Variants in SNX29 observed in about 807,000 individuals in gnomAD.
SNX29 encodes sorting nexin-29.
A neutral mutation model predicts 102.1 loss-of-function variants in SNX29; 78 were observed. The ratio of observed to expected loss-of-function variants is 0.76; its 90% confidence interval spans 0.64 to 0.92. The LOEUF (loss-of-function observed/expected upper bound fraction) is 0.92, where lower values mean the gene tolerates loss of function less well. Ranked by LOEUF, SNX29 falls within the 40% of genes least tolerant of loss-of-function variation. The pLI is 0.00. For missense variants in SNX29, 1,280 were observed against 1,061.7 expected, an observed-to-expected ratio of 1.21 and a Z score of -2.86; for synonymous variants, 580 against 414.5, an observed-to-expected ratio of 1.40 and a Z score of -4.85.
chr16:12,321,440 G>C (rs1272872936), intron 15 of SNX29, among the ~76,000 whole-genome samples: 1 of 152,172 alleles, frequency 6.6e-6, no homozygotes, highest in Non-Finnish European at 1.5e-5. Flanking sequence ...CCCAGGCCAG[G>C]CCTGGGAGTG....
At chr16:12,565,830 C>G (rs747697400) in intron 20 of SNX29, among the ~76,000 whole-genome samples, 1 of 152,178 alleles carries the variant, frequency 6.6e-6, no homozygotes, top group Non-Finnish European at 1.5e-5. Flanking sequence ...TGGTCACCCT[C>G]CACACCTCTG....
intron 10 of SNX29, among the ~76,000 whole-genome samples, chr16:12,077,515 C>G (rs1050343054): frequency 4.6e-5 from 7 of 151,794 alleles, no homozygotes; most frequent in African/African-American, 4.8e-5. Flanking sequence ...TGTAAACATA[C>G]AGTTGATTCT....
chr16:12,126,512 A>T (rs981542023), intron 11 of SNX29, 121 bp from the exon 12 acceptor site: 2 of 1,012,756 alleles, frequency 2.0e-6, no homozygotes, highest in African/African-American at 3.2e-5. Flanking sequence ...GTTATTTTTG[A>T]AAGGGAAAAG....
chr16:12,179,954 C>A (rs2076344877), intron 13 of SNX29, among the ~76,000 whole-genome samples: 1 of 152,198 alleles, frequency 6.6e-6, no homozygotes, highest in Non-Finnish European at 1.5e-5. Flanking sequence ...AGGTGTTAGT[C>A]ATTCCGTCAG....
chr16:12,423,586 C>T (rs893088646), intron 18 of SNX29, among the ~76,000 whole-genome samples: 4 of 152,092 alleles, frequency 2.6e-5, no homozygotes, highest in Non-Finnish European at 4.4e-5. Flanking sequence ...TCTTCTTCTT[C>T]TCGAGATGGA....
intron 20 of SNX29, chr16:12,526,461 C>G: frequency 2.1e-6 from 1 of 466,958 alleles, no homozygotes; most frequent in Admixed American, 2.6e-5. Context: ...TATCCTGCTG[C>G]CTGTGATAAG....
intron 20 of SNX29, among the ~76,000 whole-genome samples, chr16:12,559,387 CCCATCGCCCCCTGAAGGGA>C (rs1331551095): frequency 6.6e-6 from 1 of 151,396 alleles, no homozygotes; most frequent in Non-Finnish European, 1.5e-5. Flanking sequence ...CTCACCCTCT[CCCATCGCCCCCTGAAGGGA>C]CCATCTAGTT....
chr16:12,218,340 A>G (rs958405767), intron 14 of SNX29, among the ~76,000 whole-genome samples: 1 of 152,242 alleles, frequency 6.6e-6, no homozygotes, highest in Non-Finnish European at 1.5e-5. Context: ...ACAAACGTAT[A>G]TCTATTCTTC....
intron 19 of SNX29, among the ~76,000 whole-genome samples, chr16:12,504,999 G>A (rs1201001659): frequency 6.6e-6 from 1 of 152,116 alleles, no homozygotes; most frequent in Non-Finnish European, 1.5e-5. Flanking sequence ...TCCTAGGCCG[G>A]GCACAGTGGC....
chr16:12,568,856 A>G lies in SNX29; in HGVS notation c.*227A>G, dbSNP rs955447144. ...GCAGCACCTCGCTGGAGAGACTGGGACACACAGTCCTTCTGCTTCTGGGGT... is the reference window on the plus strand; with the variant it reads ...GCAGCACCTCGCTGGAGAGACTGGGGCACACAGTCCTTCTGCTTCTGGGGT... On this transcript the variant is annotated 3_prime_UTR_variant, in exon 21 of 21. Transcript: ENST00000566228. 2.7e-5 allele frequency: 17 copies of G among 641,346 alleles called. No homozygotes were observed. The highest frequency in any genetic ancestry group is 1.0e-4 in the South Asian group (5 of 48,220). The allele number at this position is 641,346 out of a possible 1,614,324, so 39.7% of individuals were successfully genotyped here.
chr16:12,535,909 GAAGA>G (rs1248678046), intron 20 of SNX29, among the ~76,000 whole-genome samples: 1 of 152,160 alleles, frequency 6.6e-6, no homozygotes, highest in African/African-American at 2.4e-5. Context: ...GAGGTTAATT[GAAGA>G]AAGGGCTAGA....
At chr16:12,539,871 C>G (rs989894284) in intron 20 of SNX29, among the ~76,000 whole-genome samples, 4 of 152,204 alleles carry the variant, frequency 2.6e-5, no homozygotes, top group African/African-American at 9.6e-5. Flanking sequence ...TTTGCCTGTT[C>G]TTAGAAACTA....
At chr16:12,315,897 C>T (rs375905620) in intron 15 of SNX29, among the ~76,000 whole-genome samples, 2 of 152,204 alleles carry the variant, frequency 1.3e-5, no homozygotes, top group East Asian at 3.8e-4. Context: ...TCTTCTGGGT[C>T]AGGGGCTGGA....
At chr16:12,023,461 TC>T (rs1198698372) in intron 3 of SNX29, among the ~76,000 whole-genome samples, 2 of 148,340 alleles carry the variant, frequency 1.3e-5, no homozygotes, top group African/African-American at 5.0e-5. Flanking sequence ...GCCTGTAGTC[TC>T]AGTTACTTGG....
chr16:12,402,172 T>C (rs2083971411), intron 17 of SNX29, among the ~76,000 whole-genome samples: 1 of 152,192 alleles, frequency 6.6e-6, no homozygotes, highest in Non-Finnish European at 1.5e-5. Flanking sequence ...GGGGAAGTGA[T>C]CAATGGGGTT....
At chr16:12,361,908 C>T (rs2082310624) in intron 16 of SNX29, among the ~76,000 whole-genome samples, 1 of 150,854 alleles carries the variant, frequency 6.6e-6, no homozygotes, top group Non-Finnish European at 1.5e-5. Context: ...TCTTGGGTTT[C>T]TCTTTCTAGG....
At chr16:12,534,720 C>G (rs36040468) in intron 20 of SNX29, among the ~76,000 whole-genome samples, 40,555 of 152,244 alleles carry the variant, frequency 0.27, 6,002 homozygotes, top group East Asian at 0.5. Flanking sequence ...TCCCCTGTCA[C>G]TCACTGCCCC....
chr16:12,274,046 G>T (rs951290748), intron 14 of SNX29, among the ~76,000 whole-genome samples: 2 of 152,124 alleles, frequency 1.3e-5, no homozygotes, highest in South Asian at 2.1e-4. Context: ...GCTCCCTTTT[G>T]TGTTGCATCC....
At chr16:12,315,292 A>T (rs2080695830) in intron 15 of SNX29, among the ~76,000 whole-genome samples, 1 of 152,116 alleles carries the variant, frequency 6.6e-6, no homozygotes. Context: ...CGGACCAGGG[A>T]TGAGTATTTT....
Sources: allele counts gnomAD v4.1 joint callset (sites outside exome capture counted in the v4.1 genomes callset), GRCh38; gene constraint gnomAD v4.1.1; transcripts MANE v1.5; gene names NCBI Gene and HGNC (gene_info 2026-07-23, HGNC 2026-07-21).